LAMA3: variants seen among roughly 807,000 people sequenced by gnomAD.
LAMA3 encodes the protein laminin subunit alpha-3.
A neutral mutation model predicts 402.0 loss-of-function variants in LAMA3; 281 were observed. The observed-to-expected ratio is 0.70, with a 90% CI of 0.63 to 0.77. The LOEUF (loss-of-function observed/expected upper bound fraction) is 0.77. Among genes scored for constraint, LAMA3 ranks in the 30% least tolerant of loss-of-function variants. LAMA3 has a pLI of 0.00. For missense variants in LAMA3, 3,840 were observed against 4,215.5 expected, an observed-to-expected ratio of 0.91 and a Z score of 2.47; for synonymous variants, 1,431 against 1,558.4, an observed-to-expected ratio of 0.92 and a Z score of 1.93.
At chr18:23,854,705 C>T (rs1281168338) in intron 32 of LAMA3, among the ~76,000 whole-genome samples, 1 of 151,182 alleles carries the variant, frequency 6.6e-6, no homozygotes, top group Non-Finnish European at 1.5e-5. Flanking sequence ...GGCTCCAGGG[C>T]CGGATGTGGT....
rs565201803 is a variant in LAMA3 at position 23,942,225 on chromosome 18, C to T, written c.9027-1563C>T. On this transcript the variant is annotated intron_variant, in intron 68 of 74. Transcript: ENST00000313654. ...ACTGCGTAATAGGCACTGGGGATGCCGCTGTGAGTGGGATGAACCCATGCC... is the reference window on the plus strand; with the variant it reads ...ACTGCGTAATAGGCACTGGGGATGCTGCTGTGAGTGGGATGAACCCATGCC... Among the ~76,000 whole-genome samples, 9 of 152,310 alleles carry T rather than the reference C, an allele frequency of 5.9e-5. No homozygotes were observed. The East Asian group carries it at 7.7e-4, about 13-fold the overall frequency.
At chr18:23,898,669 C>T (rs1237828185) in intron 44 of LAMA3, 69 bp from the exon 45 acceptor site, 1 of 868,358 alleles carries the variant, frequency 1.2e-6, no homozygotes, top group Non-Finnish European at 2.0e-6. Flanking sequence ...ATTTATAACC[C>T]TGTTGACCAG....
intron 44 of LAMA3, 167 bp from the exon 45 acceptor site, chr18:23,898,571 C>G: frequency 1.6e-6 from 1 of 635,152 alleles, no homozygotes; most frequent in Admixed American, 2.6e-5. Context: ...CAATGTACAT[C>G]AGAAAATAGA....
chr18:23,819,761 A>T lies in LAMA3; in HGVS notation c.2148-80A>T, dbSNP rs923868613. ...TGTCAATGTGGTGGAGTTCTTTCAT[A>T]GTAACTATTGTGATTAAAAGATGTT... On this transcript the variant is annotated intron_variant, in intron 18 of 74. Transcript: ENST00000313654. 6 of 1,235,526 alleles carry T rather than the reference A, an allele frequency of 4.9e-6. No individual in the cohort carries two copies. The East Asian group carries it at 1.4e-4, about 29-fold the overall frequency. The allele number at this position is 1,235,526 out of a possible 1,614,324, so 76.5% of individuals were successfully genotyped here.
At chr18:23,809,427 A>C (rs895570882) in intron 12 of LAMA3, among the ~76,000 whole-genome samples, 1 of 152,196 alleles carries the variant, frequency 6.6e-6, no homozygotes, top group African/African-American at 2.4e-5. Flanking sequence ...ATTCAATGAG[A>C]TGCTCTCTCT....
intron 2 of LAMA3, among the ~76,000 whole-genome samples, chr18:23,723,148 G>A (rs1308881610): frequency 2.0e-5 from 3 of 152,060 alleles, no homozygotes. Context: ...ACATTCACAC[G>A]AAAGTTCTGG....
chr18:23,832,214 G>A (rs919415726), intron 23 of LAMA3, among the ~76,000 whole-genome samples: 2 of 152,192 alleles, frequency 1.3e-5, no homozygotes, highest in Non-Finnish European at 2.9e-5. Flanking sequence ...TTTGTGGTGG[G>A]GTAATGACAG....
intron 74 of LAMA3, 139 bp from the exon 75 acceptor site, chr18:23,954,364 C>A: frequency 1.4e-6 from 1 of 711,928 alleles, no homozygotes; most frequent in Non-Finnish European, 2.3e-6. Flanking sequence ...GATCACACTA[C>A]TGTACTTCAG....
intron 49 of LAMA3, among the ~76,000 whole-genome samples, chr18:23,903,644 C>A (rs1300644059): frequency 7.9e-5 from 12 of 152,128 alleles, no homozygotes; most frequent in Admixed American, 6.5e-4. Flanking sequence ...TAAAAAAGTT[C>A]TTTGGTTTAC....
At position 23,943,825 on chromosome 18, in the gene LAMA3, A is replaced by G. The variant is rs1219067482; in HGVS notation, c.9064A>G (p.Arg3022Gly). Reference protein sequence around the residue: ...FAVDMQTTSSRGLVFHTGTKN... With the variant: ...FAVDMQTTSSGGLVFHTGTKN... ...TGTGGACATGCAGACAACATCCTCC[A>G]GAGGACTGGTGTTTCACACGGGCAC... The change falls in exon 69 of 75, where the codon AGA (arginine) becomes GGA (glycine). Residue 3022 changes from arginine (R) to glycine (G), a missense_variant. This residue lies in a region of LAMA3 where 840 missense variants were observed against 981.9 expected (regional missense o/e 0.86). Transcript: ENST00000313654. 1 of 1,614,026 alleles carries G rather than the reference A, an allele frequency of 6.2e-7. No individual in the cohort carries two copies. The highest frequency in any genetic ancestry group is 1.1e-5 in the South Asian group (1 of 91,070).
At chr18:23,762,887 C>T (rs1282478909) in intron 7 of LAMA3, among the ~76,000 whole-genome samples, 3 of 150,404 alleles carry the variant, frequency 2.0e-5, no homozygotes, top group South Asian at 2.1e-4. Flanking sequence ...GATGGAGTCT[C>T]GCTCTGTCAC....
intron 17 of LAMA3, among the ~76,000 whole-genome samples, chr18:23,816,174 G>T (rs943122358): frequency 6.6e-6 from 1 of 152,140 alleles, no homozygotes. Context: ...TTTTGGTTTT[G>T]GTTTTTGTGG....
At chr18:23,785,672 A>G (rs964622345) in intron 12 of LAMA3, among the ~76,000 whole-genome samples, 5 of 152,188 alleles carry the variant, frequency 3.3e-5, no homozygotes, top group African/African-American at 1.2e-4. Context: ...GTTTGTTTAA[A>G]TGCCTGAATC....
At chr18:23,831,975 A>T (rs2063497572) in intron 23 of LAMA3, among the ~76,000 whole-genome samples, 2 of 152,204 alleles carry the variant, frequency 1.3e-5, no homozygotes, top group South Asian at 4.1e-4. Flanking sequence ...TCATAACAGC[A>T]AGCAGTAAAG....
chr18:23,914,517 G>A lies in LAMA3; in HGVS notation c.7437G>A (p.Lys2479=). Reference sequence around the variant, plus strand: ...TCCAAGTGGACCAGATCTTGACCAAGAGTGAGACTAAGGAGGCAGTTATGG... The same window carrying A: ...TCCAAGTGGACCAGATCTTGACCAAAAGTGAGACTAAGGAGGCAGTTATGG... The part of the protein sequence containing the change: ...AELQVDQILT[K]SETKEAVMDR... Residue 2479 remains lysine, a synonymous_variant, in exon 57 of 75, where the codon AAG becomes AAA. Transcript: ENST00000313654. 1 of 1,614,180 alleles carries A rather than the reference G, an allele frequency of 6.2e-7. No homozygotes were observed. Among genetic ancestry groups the A allele is most frequent in the South Asian group, 1.1e-5 (1 of 91,078 alleles).
At chr18:23,937,371 C>CAAAAAAAA (rs58274189) in intron 67 of LAMA3, among the ~76,000 whole-genome samples, 4 of 92,918 alleles carry the variant, frequency 4.3e-5, no homozygotes, top group Admixed American at 1.2e-4. Flanking sequence ...TTCTCAAAAG[C>CAAAAAAAA]AAAAAAAAAA....
rs181438333 is a variant in LAMA3 at position 23,851,964 on chromosome 18, A to C, written c.4136+4296A>C. ...CCATTTCTCCCTTTGGGTTAAAAAA[A>C]AAAAATTCTACTTAATGATAACAGC... On this transcript the variant is annotated intron_variant, in intron 32 of 74. Transcript: ENST00000313654. Among the ~76,000 whole-genome samples the C allele has an allele frequency of 1.8e-4, 28 of 152,232 alleles. 1 individual carries two copies. The highest frequency in any genetic ancestry group is 5.5e-4 in the African/African-American group (23 of 41,502).
In LAMA3 at chr18:23,717,719, A is replaced by ATTT. The variant is rs1568109215; in HGVS notation, c.447+3647_447+3648insTTT. ...AGGTGCCCACCACCATGCCTGGCTA[A>ATTT]ATTTTTTTTTTTTTTTTTTTTTTTT... On this transcript the variant is annotated intron_variant, in intron 2 of 74. Transcript: ENST00000313654. 2.7e-3 allele frequency among the ~76,000 whole-genome samples: 315 copies of ATTT among 116,770 alleles called. 88 individuals are homozygous for ATTT. Among genetic ancestry groups the ATTT allele is most frequent in the East Asian group, 0.012 (32 of 2,682 alleles). The allele number at this position is 116,770 out of a possible 152,430, so 76.6% of individuals were successfully genotyped here.
At chr18:23,912,928 C>T (rs759960409) in intron 56 of LAMA3, 47 bp downstream of exon 56, 28 of 1,555,334 alleles carry the variant, frequency 1.8e-5, no homozygotes, top group South Asian at 6.7e-5. Context: ...CAATGTTTTT[C>T]GAGAGGTGTG....
Sources: allele counts gnomAD v4.1 joint callset (sites outside exome capture counted in the v4.1 genomes callset), GRCh38; gene constraint gnomAD v4.1.1; regional missense constraint gnomAD v4.1.1; transcripts MANE v1.5; gene names NCBI Gene and HGNC (gene_info 2026-07-23, HGNC 2026-07-21).